Variants in LRBA observed in about 807,000 individuals in gnomAD.
LRBA encodes the protein lipopolysaccharide-responsive and beige-like anchor protein.
A neutral mutation model predicts 330.0 loss-of-function variants in LRBA; 176 were observed. The ratio of observed to expected loss-of-function variants is 0.53; its 90% CI spans 0.47 to 0.60. LRBA has a LOEUF of 0.60. LRBA is among the 20% of genes least tolerant of loss of function. The probability of loss-of-function intolerance (pLI) is 0.00; values close to 1 mark genes in which losing one functional copy is unlikely to be tolerated. For missense variants in LRBA, 3,259 were observed against 3,444.8 expected, an observed-to-expected ratio of 0.95 and a Z score of 1.35; for synonymous variants, 1,230 against 1,193.0, an observed-to-expected ratio of 1.03 and a Z score of -0.64.
chr4:150,884,848 A>AAATATTTGCT (rs1728782274), intron 17 of LRBA, among the ~76,000 whole-genome samples: 1 of 152,156 alleles, frequency 6.6e-6, no homozygotes, highest in South Asian at 2.1e-4. Context: ...TAAGGTCCAA[A>AAATATTTGCT]TGTTAGATTC....
chr4:150,683,857 T>C, intron 36 of LRBA, 140 bp from the exon 37 acceptor site: 2 of 606,716 alleles, frequency 3.3e-6, no homozygotes, highest in Non-Finnish European at 5.7e-6. Flanking sequence ...AACTGAGATT[T>C]AGTGATCTGC....
intron 2 of LRBA, among the ~76,000 whole-genome samples, chr4:150,978,685 G>A (rs1473699063): frequency 2.0e-5 from 3 of 151,932 alleles, no homozygotes; most frequent in Admixed American, 1.3e-4. Flanking sequence ...CAAAAAAGAT[G>A]AAATATTAAA....
chr4:151,014,380 C>T, intron 2 of LRBA, 47 bp downstream of exon 2: 2 of 1,490,102 alleles, frequency 1.3e-6, no homozygotes, highest in Non-Finnish European at 1.9e-6. Context: ...TCTTGTTCCC[C>T]AACCCACTGA....
chr4:150,573,818 T>C (rs1225712770), intron 40 of LRBA, among the ~76,000 whole-genome samples: 2 of 152,208 alleles, frequency 1.3e-5, no homozygotes, highest in African/African-American at 4.8e-5. Flanking sequence ...GAAAGCAGTA[T>C]AAAACTTTCC....
intron 40 of LRBA, among the ~76,000 whole-genome samples, chr4:150,542,155 G>A (rs939211810): frequency 1.4e-4 from 22 of 151,920 alleles, no homozygotes; most frequent in African/African-American, 3.9e-4. Context: ...AACAAAAATG[G>A]GTTCATTGCC....
intron 2 of LRBA, among the ~76,000 whole-genome samples, chr4:150,992,391 G>C (rs1350182607): frequency 6.6e-6 from 1 of 151,916 alleles, no homozygotes; most frequent in South Asian, 2.1e-4. Context: ...GAACAGTTGA[G>C]AGAAAAAACA....
At position 150,269,379 on chromosome 4, in the gene LRBA, G is replaced by A. The variant is rs1253244889; in HGVS notation, c.8469-3567C>T. Among the ~76,000 whole-genome samples the A allele has an allele frequency of 4.6e-5, 7 of 152,130 alleles. No individual in the cohort carries two copies. The South Asian group carries it at 6.2e-4, about 14-fold the overall frequency. On this transcript the variant is annotated intron_variant, in intron 56 of 56. Transcript: ENST00000651943. ...AAATAGGGTGCCAAGACCTTTCAAC[G>A]GAGAAAGCACCTTCTTTTCAACAAA...
At chr4:150,551,579 G>A (rs193261358) in intron 40 of LRBA, among the ~76,000 whole-genome samples, 2 of 151,742 alleles carry the variant, frequency 1.3e-5, no homozygotes. Flanking sequence ...CTCAGGGGAG[G>A]ATCACTAAAA....
intron 36 of LRBA, among the ~76,000 whole-genome samples, chr4:150,707,181 A>C (rs1785710244): frequency 6.6e-6 from 1 of 151,678 alleles, no homozygotes; most frequent in Non-Finnish European, 1.5e-5. Flanking sequence ...ATCCTGGAAG[A>C]GATTAGAAGG....
At chr4:150,923,958 C>T (rs1306055450) in intron 4 of LRBA, among the ~76,000 whole-genome samples, 1 of 152,110 alleles carries the variant, frequency 6.6e-6, no homozygotes, top group African/African-American at 2.4e-5. Context: ...AACCATACTG[C>T]TCAATTGTAA....
intron 34 of LRBA, among the ~76,000 whole-genome samples, chr4:150,772,949 GC>G (rs1475760645): frequency 6.6e-6 from 1 of 152,116 alleles, no homozygotes. Flanking sequence ...CCCTGAAAAT[GC>G]CCAATCTCAT....
intron 33 of LRBA, among the ~76,000 whole-genome samples, chr4:150,798,990 T>A (rs1299932030): frequency 6.6e-6 from 1 of 152,186 alleles, no homozygotes; most frequent in Non-Finnish European, 1.5e-5. Flanking sequence ...AACATCCTAT[T>A]GCCTTCTTTT....
intron 46 of LRBA, among the ~76,000 whole-genome samples, chr4:150,421,222 C>A (rs1748742431): frequency 7.6e-6 from 1 of 131,796 alleles, no homozygotes. Flanking sequence ...ATATATTATA[C>A]ACATATATAA....
chr4:150,928,846 T>C lies in LRBA; in HGVS notation c.436A>G (p.Asn146Asp). The change falls in exon 3 of 57, where the codon AAT becomes GAT. Residue 146 changes from asparagine (N) to aspartate (D), a missense_variant. Transcript: ENST00000651943. ...GAAAAAATCATACCTGCTATCATAT[T>C]GTCAACTTTTTCAATTTTCCCAAGC... ...KVLGKIEKVD[N>D]MIADLLVDML... 2 of 1,613,234 alleles carry C rather than the reference T, an allele frequency of 1.2e-6. No individual in the cohort carries two copies. Among genetic ancestry groups the C allele is most frequent in the Non-Finnish European group, 1.7e-6 (2 of 1,179,368 alleles).
At chr4:150,472,956 T>C (rs1350209917) in intron 42 of LRBA, among the ~76,000 whole-genome samples, 1 of 152,188 alleles carries the variant, frequency 6.6e-6, no homozygotes, top group Admixed American at 6.5e-5. Flanking sequence ...TGTATATATC[T>C]TTATATGAAA....
At chr4:150,871,214 G>A in intron 19 of LRBA, 131 bp downstream of exon 19, 1 of 513,868 alleles carries the variant, frequency 1.9e-6, no homozygotes, top group Non-Finnish European at 3.6e-6. Flanking sequence ...CTGCACTCCA[G>A]CCTGGGTGAC....
At chr4:150,928,134 G>T (rs998842433) in intron 4 of LRBA, among the ~76,000 whole-genome samples, 1 of 152,042 alleles carries the variant, frequency 6.6e-6, no homozygotes. Flanking sequence ...AACTGCAGAG[G>T]TTTTGTTCAC....
chr4:150,343,940 C>T (rs1371225423), intron 48 of LRBA, among the ~76,000 whole-genome samples: 1 of 152,160 alleles, frequency 6.6e-6, no homozygotes, highest in Non-Finnish European at 1.5e-5. Context: ...TTACACAAGT[C>T]CCCATGCTAT....
intron 40 of LRBA, among the ~76,000 whole-genome samples, chr4:150,578,914 C>T (rs1770871222): frequency 6.6e-6 from 1 of 152,206 alleles, no homozygotes; most frequent in Admixed American, 6.5e-5. Context: ...GTTGGCACTG[C>T]CTAAGCCAAA....
Sources: allele counts gnomAD v4.1 joint callset (sites outside exome capture counted in the v4.1 genomes callset), GRCh38; gene constraint gnomAD v4.1.1; transcripts MANE v1.5; gene names NCBI Gene and HGNC (gene_info 2026-07-23, HGNC 2026-07-21).